Variants in NOL8 observed in about 807,000 individuals in gnomAD.
NOL8 encodes nucleolar protein 8.
Under a neutral mutation model 116.1 loss-of-function variants are expected in NOL8, and 93 were observed. The observed-to-expected ratio is 0.80, with a 90% CI of 0.68 to 0.95. The LOEUF (loss-of-function observed/expected upper bound fraction) is 0.95. NOL8 is among the 40% of genes least tolerant of loss of function. NOL8 has a pLI of 0.00. For synonymous variants in NOL8, 419 were observed against 469.0 expected (o/e 0.89, Z 1.38); for missense variants, 1,291 against 1,382.8 (o/e 0.93, Z 1.05).
chr9:92,323,658 A>C (rs755955045), intron 2 of NOL8, among the ~76,000 whole-genome samples, 155 bp from the exon 3 acceptor site: 4 of 152,160 alleles, frequency 2.6e-5, no homozygotes, highest in Non-Finnish European at 5.9e-5. Flanking sequence ...CTATAAAAAT[A>C]AGCATAATTA....
rs1168878993 is a variant in NOL8 at position 92,315,860 on chromosome 9, T to C, written c.765A>G (p.Gln255=). 6.2e-7 allele frequency: 1 copy of C among 1,613,968 alleles called. No individual in the cohort carries two copies. The highest frequency in any genetic ancestry group is 1.3e-5 in the African/African-American group (1 of 75,030). The change falls in exon 7 of 17, where the codon CAA becomes CAG. Residue 255 remains glutamine, a synonymous_variant. Coordinates refer to ENST00000442668, the MANE Select transcript of NOL8 (RefSeq NM_017948.6). ...GAGTAATGGAATCACAAGTTCTTTT[T>C]TGTGCAGCCTGTTGCTGTGTTAAGG... ...RPPLTQQQAA[Q]KRTCDSITPS... is the part of the protein sequence containing the mutation.
chr9:92,325,025 T>C (rs1588018851), intron 1 of NOL8: 1 of 152,222 alleles, frequency 6.6e-6, no homozygotes, highest in East Asian at 1.9e-4. Flanking sequence ...CCAGAGGTAC[T>C]AGGGCCCATC....
chr9:92,316,254 C>T, intron 6 of NOL8, 116 bp from the exon 7 acceptor site: 3 of 1,157,168 alleles, frequency 2.6e-6, no homozygotes, highest in Middle Eastern at 2.0e-4. Context: ...CTTTCAGTTT[C>T]CTGTAAAAGA....
chr9:92,323,958 TA>T, intron 2 of NOL8, 64 bp downstream of exon 2: 3 of 1,545,768 alleles, frequency 1.9e-6, no homozygotes, highest in Non-Finnish European at 2.6e-6. Flanking sequence ...GGGGTTGTTT[TA>T]TTTTCTAGCA....
Position 92,315,549 on chromosome 9 carries a change from C to T in NOL8, c.1076G>A (p.Arg359His), listed in dbSNP as rs773911145. The change falls in exon 7 of 17, where the codon CGT (arginine) becomes CAT (histidine). Residue 359 changes from arginine to histidine, a missense_variant. By Grantham distance (29) the Arg-to-His change is conservative (BLOSUM62 0). Coordinates refer to ENST00000442668, the MANE Select transcript of NOL8 (RefSeq NM_017948.6). ...ATCATCACTATCATGGCAAGAGACA[C>T]GATTTTTGATACCTAAACCTATTAA... ...HSLIGLGIKN[R>H]VSCHDSDDDI... 31 of 1,611,954 alleles carry T rather than the reference C, an allele frequency of 1.9e-5. No homozygotes were observed. In the Admixed American group the frequency reaches 2.7e-4, roughly 14 times the overall value.
chr9:92,306,148 C>A (rs1205841469), intron 11 of NOL8, among the ~76,000 whole-genome samples: 1 of 152,126 alleles, frequency 6.6e-6, no homozygotes, highest in Non-Finnish European at 1.5e-5. Flanking sequence ...CATGTGCCAC[C>A]ATGCCCGGCT....
Position 92,305,825 on chromosome 9 carries a change from A to C in NOL8, c.2831T>G (p.Ile944Ser). ...GSVAAKKFKD[I>S]IHYDPTKQDH... ...TTGCTTCGTTGGATCATAATGTATG[A>C]TGTCCCTATGTAAAAAAAGGAAGGG... The change falls in exon 12 of 17, where the codon ATC (isoleucine) becomes AGC (serine). Residue 944 changes from isoleucine (I) to serine (S), a missense_variant. Transcript: ENST00000442668. 6.2e-7 allele frequency: 1 copy of C among 1,610,136 alleles called. No individual in the cohort carries two copies. Among genetic ancestry groups the C allele is most frequent in the South Asian group, 1.1e-5 (1 of 90,954 alleles).
In NOL8 at chr9:92,298,254, C is replaced by A; in HGVS notation, c.3453+3G>T. ...GAAATAATATGGAGAAACAATTACTCACCATACGCAGGTTGGTTGTTCTGG... is the reference window on the plus strand; with the variant it reads ...GAAATAATATGGAGAAACAATTACTAACCATACGCAGGTTGGTTGTTCTGG... On this transcript the variant is annotated splice_donor_region_variant and intron_variant, in intron 16 of 16. Coordinates refer to ENST00000442668, the MANE Select transcript of NOL8 (RefSeq NM_017948.6). 6.3e-7 allele frequency: 1 copy of A among 1,595,386 alleles called. No individual in the cohort carries two copies.
intron 7 of NOL8, among the ~76,000 whole-genome samples, chr9:92,312,461 A>G (rs901884444): frequency 6.6e-6 from 1 of 150,756 alleles, no homozygotes; most frequent in Non-Finnish European, 1.5e-5. Flanking sequence ...AAAAAAAAAA[A>G]AAAAAAAAAA....
At chr9:92,325,115 T>C (rs1270940834) in intron 1 of NOL8, 191 bp downstream of exon 1, 1 of 152,206 alleles carries the variant, frequency 6.6e-6, no homozygotes, top group African/African-American at 2.4e-5. Context: ...ACAGACTCTT[T>C]CCAGAAGAGA....
chr9:92,312,844 A>AAAAAG (rs1838961805), intron 7 of NOL8, among the ~76,000 whole-genome samples: 2 of 132,276 alleles, frequency 1.5e-5, no homozygotes, highest in Non-Finnish European at 1.6e-5. Flanking sequence ...AAAAAAAAAA[A>AAAAAG]AAAAGAAAAG....
At position 92,297,530 on chromosome 9, in the gene NOL8, T is replaced by C. The variant is rs1352130597; in HGVS notation, c.*306A>G. On this transcript the variant is annotated 3_prime_UTR_variant, in exon 17 of 17. Coordinates refer to ENST00000442668, the MANE Select transcript of NOL8 (RefSeq NM_017948.6). Reference sequence around the variant, plus strand: ...ATTTAAAAAGGCTTCATATAAACCTTGCATGAGAAGATGTCCATTAGTTAC... The same window carrying C: ...ATTTAAAAAGGCTTCATATAAACCTCGCATGAGAAGATGTCCATTAGTTAC... 3 of 259,054 alleles carry C rather than the reference T, an allele frequency of 1.2e-5. No homozygotes were observed. Among genetic ancestry groups the C allele is most frequent in the Non-Finnish European group, 2.2e-5 (3 of 138,788 alleles). 16.0% of individuals were successfully genotyped at this position (259,054 alleles called of 1,614,324 possible).
chr9:92,307,341 A>T (rs1838360726), intron 10 of NOL8, among the ~76,000 whole-genome samples: 1 of 152,186 alleles, frequency 6.6e-6, no homozygotes, highest in South Asian at 2.1e-4. Flanking sequence ...ACTAATAACT[A>T]CAGTGATTAT....
chr9:92,316,180 G>C (rs2130716391), intron 6 of NOL8, 42 bp from the exon 7 acceptor site: 1 of 1,558,846 alleles, frequency 6.4e-7, no homozygotes. Flanking sequence ...CTTGGTTTTA[G>C]GAAAACTCAT....
intron 6 of NOL8, among the ~76,000 whole-genome samples, chr9:92,316,958 ACT>A (rs1356372950): frequency 1.3e-5 from 2 of 151,868 alleles, no homozygotes; most frequent in Non-Finnish European, 2.9e-5. Flanking sequence ...TTAAGCTATC[ACT>A]CTTTTTTGTT....
Position 92,314,287 on chromosome 9 carries a change from G to A in NOL8, c.2338C>T (p.His780Tyr), listed in dbSNP as rs369389848. The part of the protein sequence containing the change: ...KAKEVQKKLV[H>Y]NALANLDGHP... The stretch of plus-strand genomic sequence containing the variant: ...CTCACCAAATTTGCCAGAGCATTAT[G>A]CACCAGCTTCTTCTGCACTTCTTTT... Residue 780 changes from histidine (H) to tyrosine (Y), a missense_variant, in exon 7 of 17, where the codon CAT (histidine) becomes TAT (tyrosine). Physicochemically the swap from His to Tyr is moderately conservative, Grantham distance 83 (BLOSUM62 2). Transcript: ENST00000442668. 29 of 1,584,912 alleles carry A rather than the reference G, an allele frequency of 1.8e-5. No individual in the cohort carries two copies. In the African/African-American group the frequency reaches 3.3e-4, roughly 18 times the overall value.
At chr9:92,298,172 C>G (rs1564198027) in intron 16 of NOL8, 85 bp downstream of exon 16, 3 of 1,015,814 alleles carry the variant, frequency 3.0e-6, no homozygotes, top group Non-Finnish European at 4.4e-6. Flanking sequence ...TCACCTATAC[C>G]ATTCATGAGT....
intron 3 of NOL8, among the ~76,000 whole-genome samples, chr9:92,322,244 T>G (rs1298822731): frequency 3.3e-5 from 5 of 152,184 alleles, no homozygotes; most frequent in Admixed American, 3.3e-4. Flanking sequence ...TAACTATGAG[T>G]GACTGAACTG....
chr9:92,306,927 G>C lies in NOL8; in HGVS notation c.2784C>G (p.Ser928Arg), dbSNP rs1358773994. 3 of 1,613,038 alleles carry C rather than the reference G, an allele frequency of 1.9e-6. No homozygotes were observed. The highest frequency in any genetic ancestry group is 2.5e-6 in the Non-Finnish European group (3 of 1,179,450). Reference protein sequence around the residue: ...VVQSVLQINLSNSTNRGSVAA... With the variant: ...VVQSVLQINLRNSTNRGSVAA... ...CTACTGATCCTCTGTTTGTAGAATT[G>C]CTTAAGTTGATTTGCAAAACACTTT... Residue 928 changes from serine to arginine, a missense_variant, in exon 11 of 17, where the codon AGC (serine) becomes AGG (arginine). Ser to Arg is a moderately radical substitution (Grantham distance 110, BLOSUM62 -1). Transcript: ENST00000442668.
Sources: allele counts gnomAD v4.1 joint callset (sites outside exome capture counted in the v4.1 genomes callset), GRCh38; gene constraint gnomAD v4.1.1; transcripts MANE v1.5; gene names NCBI Gene and HGNC (gene_info 2026-07-23, HGNC 2026-07-21).